Variants in CCDC85C observed in about 807,000 individuals in gnomAD.
CCDC85C encodes the protein coiled-coil domain containing 85C, also known as coiled-coil domain-containing protein 85C.
In CCDC85C, 18 loss-of-function variants were observed where a neutral mutation model predicts 38.3. The ratio of observed to expected loss-of-function variants is 0.47; its 90% CI spans 0.33 to 0.70. The LOEUF is 0.70. CCDC85C is among the 30% of genes least tolerant of loss of function. The probability of loss-of-function intolerance (pLI) is 0.03; values close to 1 mark genes in which losing one functional copy is unlikely to be tolerated. For missense variants in CCDC85C, 566 were observed against 621.2 expected, an observed-to-expected ratio of 0.91 and a Z score of 0.94; for synonymous variants, 264 against 293.8, an observed-to-expected ratio of 0.90 and a Z score of 1.04.
intron 2 of CCDC85C, among the ~76,000 whole-genome samples, chr14:99,529,742 T>C (rs544604024): frequency 1.3e-5 from 2 of 152,352 alleles, no homozygotes; most frequent in African/African-American, 2.4e-5. Context: ...CTACCTTGGC[T>C]GAGTAAGCCA....
intron 1 of CCDC85C, among the ~76,000 whole-genome samples, chr14:99,563,027 A>G (rs2139951778): frequency 6.6e-6 from 1 of 152,346 alleles, no homozygotes; most frequent in Middle Eastern, 3.4e-3. Flanking sequence ...CGAGCCGTCT[A>G]TAATGCCACT....
chr14:99,584,878 C>T (rs1459525072), intron 1 of CCDC85C, among the ~76,000 whole-genome samples: 5 of 152,136 alleles, frequency 3.3e-5, no homozygotes, highest in Admixed American at 2.6e-4. Flanking sequence ...GGCTTGAGCT[C>T]AAGAGTTTGA....
rs886145653 is a variant in CCDC85C, at chr14:99,522,382, T to TGG, written c.868-143_868-142insCC. On this transcript the variant is annotated intron_variant, in intron 2 of 5. Coordinates refer to ENST00000380243, the MANE Select transcript of CCDC85C (RefSeq NM_001144995.2). Reference sequence around the variant, plus strand: ...CCTCCACCCTCCCCTCCACACCGCTTATCCATCCCCCGAGCCGGGATCAAT... The same window carrying TGG: ...CCTCCACCCTCCCCTCCACACCGCTTGGATCCATCCCCCGAGCCGGGATCAAT... The TGG allele has an allele frequency of 1.8e-5, 11 of 597,546 alleles. No homozygotes were observed. In the African/African-American group the frequency reaches 2.0e-4, roughly 11 times the overall value. 37.0% of individuals were successfully genotyped at this position (597,546 alleles called of 1,614,324 possible).
At chr14:99,554,432 G>A (rs915245534) in intron 1 of CCDC85C, among the ~76,000 whole-genome samples, 30 of 152,228 alleles carry the variant, frequency 2.0e-4, no homozygotes, top group Admixed American at 1.8e-3. Flanking sequence ...ATGTCCCTCT[G>A]CAGGCTCCTG....
At chr14:99,594,812 G>A (rs1167602122) in intron 1 of CCDC85C, among the ~76,000 whole-genome samples, 1 of 152,152 alleles carries the variant, frequency 6.6e-6, no homozygotes, top group African/African-American at 2.4e-5. Context: ...GGTTCTGTCT[G>A]GATCGTCCAA....
intron 1 of CCDC85C, among the ~76,000 whole-genome samples, chr14:99,599,845 A>G (rs1853304341): frequency 6.6e-6 from 1 of 152,218 alleles, no homozygotes; most frequent in African/African-American, 2.4e-5. Flanking sequence ...ATTGCACTCT[A>G]GCCTGGGTGA....
intron 1 of CCDC85C, among the ~76,000 whole-genome samples, chr14:99,601,795 A>C (rs960242219): frequency 6.6e-6 from 1 of 152,136 alleles, no homozygotes; most frequent in Non-Finnish European, 1.5e-5. Context: ...ATAGATTGCT[A>C]ATCAGTAACA....
At chr14:99,599,080 AG>A (rs1481895370) in intron 1 of CCDC85C, among the ~76,000 whole-genome samples, 3 of 152,164 alleles carry the variant, frequency 2.0e-5, no homozygotes, top group Non-Finnish European at 4.4e-5. Flanking sequence ...GTTTAGGAAA[AG>A]CAGCCTTATT....
At chr14:99,561,662 A>C (rs1321735902) in intron 1 of CCDC85C, among the ~76,000 whole-genome samples, 1 of 152,142 alleles carries the variant, frequency 6.6e-6, no homozygotes, top group Admixed American at 6.5e-5. Flanking sequence ...GCAGATGAGG[A>C]AACAGCCCCC....
At position 99,513,082 on chromosome 14, in the gene CCDC85C, G is replaced by C. The variant is rs1257596312; in HGVS notation, c.*2164C>G. The stretch of plus-strand genomic sequence containing the variant: ...GTTCCACTGATCCCTGGATGCCACT[G>C]CAGCATTAAAGACAGGGTCAGTCCC... On this transcript the variant is annotated 3_prime_UTR_variant, in exon 6 of 6. Coordinates refer to ENST00000380243, the MANE Select transcript of CCDC85C (RefSeq NM_001144995.2). The C allele has an allele frequency of 2.6e-5, 4 of 152,228 alleles. No individual in the cohort carries two copies. The highest frequency in any genetic ancestry group is 9.7e-5 in the African/African-American group (4 of 41,450). 9.4% of individuals were successfully genotyped at this position (152,228 alleles called of 1,614,324 possible). A position where few individuals can be genotyped will look rare whatever the true frequency, so the allele number is the denominator to read the frequency against.
At position 99,536,983 on chromosome 14, in the gene CCDC85C, C is replaced by T. The variant is rs1339661781; in HGVS notation, c.794-895G>A. Among the ~76,000 whole-genome samples the T allele has an allele frequency of 2.0e-5, 3 of 152,292 alleles. No homozygotes were observed. The South Asian group carries it at 6.2e-4, about 32-fold the overall frequency. ...GAGGGCTGGGGGAAGGGAGGAGAGGCAGGAACGGGACCCAGAACACAGGCC... is the reference window on the plus strand; with the variant it reads ...GAGGGCTGGGGGAAGGGAGGAGAGGTAGGAACGGGACCCAGAACACAGGCC... On this transcript the variant is annotated intron_variant, in intron 1 of 5. Transcript: ENST00000380243.
intron 1 of CCDC85C, among the ~76,000 whole-genome samples, chr14:99,546,068 A>G (rs1228658502): frequency 6.7e-6 from 1 of 150,114 alleles, no homozygotes; most frequent in Non-Finnish European, 1.5e-5. Context: ...GGGGGGGGGG[A>G]ATAAACAACC....
At chr14:99,532,940 C>A (rs1466271119) in intron 2 of CCDC85C, among the ~76,000 whole-genome samples, 2 of 152,120 alleles carry the variant, frequency 1.3e-5, no homozygotes, top group East Asian at 3.9e-4. Context: ...TGCCACCCTG[C>A]AAGGCTAATT....
At chr14:99,555,165 G>A (rs1035579353) in intron 1 of CCDC85C, among the ~76,000 whole-genome samples, 1 of 152,216 alleles carries the variant, frequency 6.6e-6, no homozygotes, top group African/African-American at 2.4e-5. Context: ...GCCTCCCTCT[G>A]TGTAATCACG....
chr14:99,510,604 C>A lies in CCDC85C; in HGVS notation c.*4642G>T. Reference sequence around the variant, plus strand: ...AACCCCAACTTCCCACCCCCACCCCCACGCCTCCCGCCTACCCACGCAGTC... The same window carrying A: ...AACCCCAACTTCCCACCCCCACCCCAACGCCTCCCGCCTACCCACGCAGTC... On this transcript the variant is annotated 3_prime_UTR_variant, in exon 6 of 6. Transcript: ENST00000380243. The A allele has an allele frequency of 9.4e-7, 1 of 1,061,412 alleles. No homozygotes were observed. The allele number at this position is 1,061,412 out of a possible 1,614,324, so 65.7% of individuals were successfully genotyped here.
intron 1 of CCDC85C, 98 bp from the exon 2 acceptor site, chr14:99,536,186 G>T (rs1431112526): frequency 8.3e-6 from 7 of 843,144 alleles, no homozygotes; most frequent in Non-Finnish European, 1.4e-5. Flanking sequence ...GGAAGGTTTG[G>T]GTCTGAGGAG....
chr14:99,523,173 T>C (rs1897325646), intron 2 of CCDC85C, among the ~76,000 whole-genome samples: 1 of 151,968 alleles, frequency 6.6e-6, no homozygotes, highest in Non-Finnish European at 1.5e-5. Context: ...CCAAACAAAC[T>C]GCAGGGGCAG....
In CCDC85C at chr14:99,574,035, C is replaced by A. The variant is rs1396638774; in HGVS notation, c.793+29132G>T. ...TGCCATTTGGAACTGGCATTTGGAT[C>A]TTGATGGAATGTCCTAATTGACAGG... On this transcript the variant is annotated intron_variant, in intron 1 of 5. Coordinates refer to ENST00000380243, the MANE Select transcript of CCDC85C (RefSeq NM_001144995.2). Among the ~76,000 whole-genome samples the A allele has an allele frequency of 2.6e-5, 4 of 152,200 alleles. No homozygotes were observed. The East Asian group carries it at 5.8e-4, about 22-fold the overall frequency.
intron 1 of CCDC85C, among the ~76,000 whole-genome samples, chr14:99,602,137 T>C (rs2055205479): frequency 6.6e-6 from 1 of 152,220 alleles, no homozygotes; most frequent in African/African-American, 2.4e-5. Context: ...CCAGCAGAAC[T>C]GGAAGCCAAG....
Sources: allele counts gnomAD v4.1 joint callset (sites outside exome capture counted in the v4.1 genomes callset), GRCh38; gene constraint gnomAD v4.1.1; transcripts MANE v1.5; gene names NCBI Gene and HGNC (gene_info 2026-07-23, HGNC 2026-07-21).